LRP2: variants seen among roughly 807,000 people sequenced by gnomAD.
LRP2 encodes LDL receptor related protein 2, also known as low-density lipoprotein receptor-related protein 2.
In LRP2, 172 loss-of-function variants were observed where a neutral mutation model predicts 531.0. That is an observed-to-expected ratio of 0.32 (90% CI 0.29 to 0.37). The LOEUF is 0.37. Ranked by LOEUF, LRP2 falls within the 10% of genes least tolerant of loss-of-function variation. The pLI is 1.00. For missense variants in LRP2, 5,167 were observed against 5,868.3 expected (o/e 0.88, Z 3.90); for synonymous variants, 1,992 against 2,027.6 (o/e 0.98, Z 0.47).
rs1553508684 is a variant in LRP2 at position 169,284,256 on chromosome 2, C to CTCTTTTTTTTT, written c.1043-1256_1043-1255insAAAAAAAAAGA. Among the ~76,000 whole-genome samples the CTCTTTTTTTTT allele has an allele frequency of 1.9e-3, 183 of 96,666 alleles. 2 individuals carry two copies. The highest frequency in any genetic ancestry group is 2.2e-3 in the Non-Finnish European group (115 of 51,804). The allele number at this position is 96,666 out of a possible 152,430, so 63.4% of individuals were successfully genotyped here. On this transcript the variant is annotated intron_variant, in intron 9 of 78. Coordinates refer to ENST00000649046, the MANE Select transcript of LRP2 (RefSeq NM_004525.3). ...CTTTTCTTTTCTTTTTCTTTTTTTT[C>CTCTTTTTTTTT]TTTTTTTTTTTTTTTTTTTTTTTTT...
intron 26 of LRP2, 39 bp downstream of exon 26, chr2:169,239,488 A>T: frequency 6.2e-7 from 1 of 1,613,854 alleles, no homozygotes; most frequent in Non-Finnish European, 8.5e-7. Context: ...AAGCTCTGGG[A>T]TGTGCTGATA....
chr2:169,220,606 G>A lies in LRP2; in HGVS notation c.5539-43C>T, dbSNP rs188860422. The A allele has an allele frequency of 2.2e-5, 29 of 1,318,956 alleles. No homozygotes were observed. The East Asian group carries it at 6.8e-4, about 31-fold the overall frequency. The allele number at this position is 1,318,956 out of a possible 1,614,324, so 81.7% of individuals were successfully genotyped here. ...TTATTAGAACTGACTTTCATAAGGG[G>A]AACCAAAGGAAACTGAGATGAAGGA... On this transcript the variant is annotated intron_variant, in intron 33 of 78. Transcript: ENST00000649046.
intron 9 of LRP2, among the ~76,000 whole-genome samples, chr2:169,284,191 C>T (rs766435834): frequency 6.6e-6 from 1 of 151,602 alleles, no homozygotes; most frequent in Non-Finnish European, 1.5e-5. Flanking sequence ...TGCTGGGTGG[C>T]CCACCATTCC....
chr2:169,301,487 G>A (rs1684284396), intron 4 of LRP2, among the ~76,000 whole-genome samples: 1 of 151,632 alleles, frequency 6.6e-6, no homozygotes, highest in Admixed American at 6.6e-5. Context: ...AAAGAACTAA[G>A]GGGGAAAATG....
intron 34 of LRP2, among the ~76,000 whole-genome samples, chr2:169,216,938 C>T (rs1174193324): frequency 6.6e-6 from 1 of 152,116 alleles, no homozygotes; most frequent in Non-Finnish European, 1.5e-5. Context: ...TGAAAACTGA[C>T]ACAGAAAATA....
chr2:169,238,069 A>G (rs1427841576), intron 27 of LRP2, 22 bp downstream of exon 27: 1 of 1,607,546 alleles, frequency 6.2e-7, no homozygotes. Context: ...GCCAGGCCAA[A>G]GGTCAACAGA....
intron 69 of LRP2, among the ~76,000 whole-genome samples, chr2:169,146,151 C>A (rs1685902216): frequency 6.6e-6 from 1 of 152,174 alleles, no homozygotes; most frequent in Admixed American, 6.5e-5. Flanking sequence ...ATGTATACCA[C>A]CCGACACCAA....
chr2:169,193,709 C>T (rs889221414), intron 47 of LRP2, 52 bp downstream of exon 47: 5 of 1,612,248 alleles, frequency 3.1e-6, no homozygotes, highest in Non-Finnish European at 4.2e-6. Context: ...AACAACTCTA[C>T]TGTGTTTCCC....
At chr2:169,199,436 A>G (rs754844907) in intron 44 of LRP2, among the ~76,000 whole-genome samples, 6 of 152,174 alleles carry the variant, frequency 3.9e-5, no homozygotes, top group Non-Finnish European at 5.9e-5. Flanking sequence ...AACAACAAAG[A>G]AAAGATAAAC....
intron 35 of LRP2, 91 bp downstream of exon 35, chr2:169,216,162 G>C: frequency 7.3e-7 from 1 of 1,365,378 alleles, no homozygotes; most frequent in Non-Finnish European, 1.0e-6. Flanking sequence ...AAGTAAGATT[G>C]TTCAAGAACC....
chr2:169,342,793 T>A (rs758749339), intron 1 of LRP2, among the ~76,000 whole-genome samples: 8 of 152,190 alleles, frequency 5.3e-5, no homozygotes, highest in Non-Finnish European at 1.2e-4. Context: ...AAAAAAAAGC[T>A]TGCAATAAAC....
chr2:169,323,782 T>C (rs1434552022), intron 1 of LRP2, among the ~76,000 whole-genome samples: 2 of 151,478 alleles, frequency 1.3e-5, no homozygotes, highest in Non-Finnish European at 2.9e-5. Context: ...CAAGAAGTAA[T>C]CTTGCAAATA....
At chr2:169,255,349 G>A (rs1404888338) in intron 19 of LRP2, among the ~76,000 whole-genome samples, 1 of 152,068 alleles carries the variant, frequency 6.6e-6, no homozygotes, top group African/African-American at 2.4e-5. Context: ...CTGTTTCATG[G>A]TACCAGGCTA....
chr2:169,148,442 T>C (rs987211577), intron 68 of LRP2, among the ~76,000 whole-genome samples: 1 of 152,188 alleles, frequency 6.6e-6, no homozygotes, highest in African/African-American at 2.4e-5. Flanking sequence ...GGGTAAGTTG[T>C]ATCATACCAT....
Position 169,328,963 on chromosome 2 carries a change from T to C in LRP2, c.80-8079A>G, listed in dbSNP as rs536526704. On this transcript the variant is annotated intron_variant, in intron 1 of 78. Coordinates refer to ENST00000649046, the MANE Select transcript of LRP2 (RefSeq NM_004525.3). Reference sequence around the variant, plus strand: ...GGTATCAATGGCCCCATTTCATAGATGAGGACGACAAGGCTTGAACAAATC... The same window carrying C: ...GGTATCAATGGCCCCATTTCATAGACGAGGACGACAAGGCTTGAACAAATC... Among the ~76,000 whole-genome samples, 8 of 152,316 alleles carry C rather than the reference T, an allele frequency of 5.3e-5. 1 individual carries two copies. The South Asian group carries it at 1.7e-3, about 32-fold the overall frequency.
intron 36 of LRP2, among the ~76,000 whole-genome samples, chr2:169,212,573 T>C (rs1688632785): frequency 6.6e-6 from 1 of 152,174 alleles, no homozygotes; most frequent in Admixed American, 6.6e-5. Context: ...TTTTTAAATA[T>C]ATGAAATAAG....
At chr2:169,331,587 C>T (rs765884306) in intron 1 of LRP2, among the ~76,000 whole-genome samples, 1 of 152,212 alleles carries the variant, frequency 6.6e-6, no homozygotes, top group Non-Finnish European at 1.5e-5. Flanking sequence ...TAGAGACTAA[C>T]TGGTTATTTA....
At chr2:169,310,623 T>C (rs1288210792) in intron 3 of LRP2, among the ~76,000 whole-genome samples, 1 of 152,234 alleles carries the variant, frequency 6.6e-6, no homozygotes, top group African/African-American at 2.4e-5. Context: ...CTGAAGATTT[T>C]TGCATCGATG....
At chr2:169,182,898 T>C (rs1009840117) in intron 50 of LRP2, among the ~76,000 whole-genome samples, 1 of 152,256 alleles carries the variant, frequency 6.6e-6, no homozygotes, top group African/African-American at 2.4e-5. Flanking sequence ...TATTAGGATC[T>C]GTTAGAAACT....
Sources: allele counts gnomAD v4.1 joint callset (sites outside exome capture counted in the v4.1 genomes callset), GRCh38; gene constraint gnomAD v4.1.1; transcripts MANE v1.5; gene names NCBI Gene and HGNC (gene_info 2026-07-23, HGNC 2026-07-21).